Variants in ZNF385D observed in about 807,000 individuals in gnomAD.
ZNF385D encodes zinc finger protein 385D.
In ZNF385D, 15 loss-of-function variants were observed where a neutral mutation model predicts 35.8. That is an observed-to-expected ratio of 0.42 (90% CI 0.28 to 0.64). ZNF385D has a LOEUF of 0.64. ZNF385D is among the 30% of genes least tolerant of loss of function. The pLI, the probability that ZNF385D is intolerant of heterozygous loss-of-function variation, is 0.23. For synonymous variants in ZNF385D, 212 were observed against 186.8 expected, an observed-to-expected ratio of 1.13 and a Z score of -1.10; for missense variants, 474 against 494.6, an observed-to-expected ratio of 0.96 and a Z score of 0.39.
rs189749119 is a variant in ZNF385D at position 21,838,987 on chromosome 3, T to G, written c.326-173959A>C. 1.4e-4 allele frequency among the ~76,000 whole-genome samples: 22 copies of G among 152,236 alleles called. No homozygotes were observed. The East Asian group carries it at 2.9e-3, about 20-fold the overall frequency. On this transcript the variant is annotated intron_variant, in intron 3 of 5. Coordinates refer to the ZNF385D transcript ENST00000494108. ...CAGCAGTCTATGAAGTACTTTCTATTATTACAATTCACATTGGATGAATGA... is the reference window on the plus strand; with the variant it reads ...CAGCAGTCTATGAAGTACTTTCTATGATTACAATTCACATTGGATGAATGA...
intron 2 of ZNF385D, among the ~76,000 whole-genome samples, chr3:21,578,593 C>G (rs1398227177): frequency 6.6e-6 from 1 of 152,040 alleles, no homozygotes; most frequent in Admixed American, 6.6e-5. Flanking sequence ...AGAGACTGTC[C>G]TGCCCCTATT....
chr3:22,087,032 T>C (rs893806562), intron 3 of ZNF385D, among the ~76,000 whole-genome samples: 2 of 152,100 alleles, frequency 1.3e-5, no homozygotes, highest in Non-Finnish European at 2.9e-5. Context: ...CGCATACATA[T>C]GTAACAAACC....
At chr3:21,998,783 T>C (rs1013929959) in intron 3 of ZNF385D, among the ~76,000 whole-genome samples, 1 of 152,260 alleles carries the variant, frequency 6.6e-6, no homozygotes, top group African/African-American at 2.4e-5. Flanking sequence ...AAAATTATCA[T>C]TCTTAGAAGT....
chr3:22,139,333 G>C (rs1033965098), intron 3 of ZNF385D, among the ~76,000 whole-genome samples: 8 of 152,248 alleles, frequency 5.3e-5, no homozygotes, highest in South Asian at 2.1e-4. Flanking sequence ...TAATGCGGCA[G>C]TATTCACAAT....
At chr3:21,935,487 T>C (rs1334284595) in intron 3 of ZNF385D, among the ~76,000 whole-genome samples, 1 of 152,106 alleles carries the variant, frequency 6.6e-6, no homozygotes, top group African/African-American at 2.4e-5. Context: ...TGAACCTAGA[T>C]AGTTAAGTCA....
intron 3 of ZNF385D, chr3:22,134,270 T>A (rs1703971876): frequency 6.6e-6 from 1 of 151,938 alleles, no homozygotes; most frequent in Non-Finnish European, 1.5e-5. Flanking sequence ...TATATTAATA[T>A]TAAACAAAAT....
At chr3:21,423,728 A>T (rs930495321) in intron 7 of ZNF385D, among the ~76,000 whole-genome samples, 2 of 152,124 alleles carry the variant, frequency 1.3e-5, no homozygotes, top group Admixed American at 6.5e-5. Context: ...TTTTTTCCTG[A>T]CCTTCCTTCC....
At chr3:22,105,066 G>T (rs899673533) in intron 3 of ZNF385D, among the ~76,000 whole-genome samples, 1 of 152,094 alleles carries the variant, frequency 6.6e-6, no homozygotes, top group Admixed American at 6.6e-5. Context: ...TTAAAATGTA[G>T]TATTTTTTAT....
At chr3:22,213,311 C>T (rs368622860) in intron 2 of ZNF385D, among the ~76,000 whole-genome samples, 1 of 152,104 alleles carries the variant, frequency 6.6e-6, no homozygotes, top group African/African-American at 2.4e-5. Context: ...ATATTTACAA[C>T]CATTTAAAAT....
intron 3 of ZNF385D, among the ~76,000 whole-genome samples, chr3:22,016,419 G>A (rs1263929201): frequency 6.6e-6 from 1 of 152,092 alleles, no homozygotes; most frequent in Admixed American, 6.5e-5. Flanking sequence ...ACGATGACAG[G>A]CAAATTGTGC....
intron 2 of ZNF385D, among the ~76,000 whole-genome samples, chr3:22,235,375 G>T (rs1227534653): frequency 6.6e-6 from 1 of 152,042 alleles, no homozygotes; most frequent in East Asian, 1.9e-4. Context: ...GTAAAGTAAG[G>T]CTGATTGCAG....
chr3:22,181,399 A>G (rs1695260015), intron 2 of ZNF385D, among the ~76,000 whole-genome samples: 2 of 152,064 alleles, frequency 1.3e-5, no homozygotes, highest in South Asian at 2.1e-4. Context: ...TTCTACCAAT[A>G]GAATATGGTA....
chr3:21,449,142 C>A (rs1214905399), intron 4 of ZNF385D, among the ~76,000 whole-genome samples: 2 of 151,906 alleles, frequency 1.3e-5, no homozygotes, highest in Non-Finnish European at 2.9e-5. Flanking sequence ...TAATTCAATA[C>A]TTTAAATATA....
At chr3:21,996,400 C>A (rs1050322726) in intron 3 of ZNF385D, among the ~76,000 whole-genome samples, 1 of 152,282 alleles carries the variant, frequency 6.6e-6, no homozygotes, top group East Asian at 1.9e-4. Flanking sequence ...GCCTCAGAGG[C>A]TCCCTGTCAC....
intron 3 of ZNF385D, among the ~76,000 whole-genome samples, chr3:21,898,825 A>G (rs1045159641): frequency 6.6e-6 from 1 of 152,168 alleles, no homozygotes; most frequent in Non-Finnish European, 1.5e-5. Flanking sequence ...TCACATTCAT[A>G]AAGATAATCT....
chr3:21,911,621 T>A (rs956864525), intron 3 of ZNF385D, among the ~76,000 whole-genome samples: 2 of 152,050 alleles, frequency 1.3e-5, no homozygotes, highest in Admixed American at 6.6e-5. Flanking sequence ...CAGTTCATTT[T>A]ACCATTTTTA....
chr3:22,000,533 T>G (rs1044765345), intron 3 of ZNF385D, among the ~76,000 whole-genome samples: 1 of 152,060 alleles, frequency 6.6e-6, no homozygotes, highest in African/African-American at 2.4e-5. Context: ...CCAACAGCCC[T>G]TGGGGGTTGC....
intron 4 of ZNF385D, among the ~76,000 whole-genome samples, chr3:21,442,886 A>AGAGTGTGT (rs1553633140): frequency 5.4e-5 from 8 of 147,168 alleles, no homozygotes; most frequent in Non-Finnish European, 1.0e-4. Flanking sequence ...TCTGTGTATA[A>AGAGTGTGT]GTGTGTGTGT....
intron 2 of ZNF385D, among the ~76,000 whole-genome samples, chr3:21,615,482 T>C (rs1229980149): frequency 1.3e-5 from 2 of 152,218 alleles, no homozygotes; most frequent in Admixed American, 6.5e-5. Context: ...AATGGCGTCA[T>C]ATTCAAATTA....
Sources: allele counts gnomAD v4.1 joint callset (sites outside exome capture counted in the v4.1 genomes callset), GRCh38; gene constraint gnomAD v4.1.1; transcripts MANE v1.5; gene names NCBI Gene and HGNC (gene_info 2026-07-23, HGNC 2026-07-21).